The following TRERF1 variants were observed in gnomAD, a reference collection of about 807,000 sequenced individuals.
TRERF1 encodes transcriptional regulating factor 1, also known as transcriptional-regulating factor 1.
TRERF1 carries 27 observed loss-of-function variants against 122.9 expected under a neutral mutation model. The observed-to-expected ratio is 0.22, with a 90% confidence interval of 0.16 to 0.30. The LOEUF (loss-of-function observed/expected upper bound fraction) is 0.30. Among genes scored for constraint, TRERF1 ranks in the 10% least tolerant of loss-of-function variants. The pLI is 1.00. For synonymous variants in TRERF1, 636 were observed against 641.7 expected (o/e 0.99, Z 0.13); for missense variants, 1,248 against 1,560.3 (o/e 0.80, Z 3.37).
intron 4 of TRERF1, among the ~76,000 whole-genome samples, chr6:42,288,574 CAAAAAAAAA>C (rs3074797): frequency 5.8e-5 from 5 of 86,540 alleles, no homozygotes; most frequent in African/African-American, 1.5e-4. Flanking sequence ...ATCTCAAAAC[CAAAAAAAAA>C]AAAAAAAAAA....
At chr6:42,374,150 A>AGAAG (rs1554193490) in intron 2 of TRERF1, among the ~76,000 whole-genome samples, 29 of 144,036 alleles carry the variant, frequency 2.0e-4, no homozygotes, top group South Asian at 8.9e-4. Context: ...AAAAAAAAAA[A>AGAAG]AAGAAGAAGA....
In TRERF1 at chr6:42,257,301, A is replaced by G. The variant is rs199804658; in HGVS notation, c.2337-199T>C. Among the ~76,000 whole-genome samples the G allele has an allele frequency of 4.6e-5, 7 of 152,320 alleles. No individual in the cohort carries two copies. In the East Asian group the frequency reaches 1.4e-3, roughly 29 times the overall value. On this transcript the variant is annotated intron_variant, in intron 10 of 17. Transcript: ENST00000372922. Reference sequence around the variant, plus strand: ...GGAACAGCTTTAAGATTAGGGAGAAATATTTTAGGAGCAAGGGGGCAGTCG... The same window carrying G: ...GGAACAGCTTTAAGATTAGGGAGAAGTATTTTAGGAGCAAGGGGGCAGTCG...
chr6:42,361,616 C>T (rs556946332), intron 3 of TRERF1, among the ~76,000 whole-genome samples: 14 of 152,278 alleles, frequency 9.2e-5, no homozygotes, highest in African/African-American at 2.2e-4. Flanking sequence ...CCCTCACAGC[C>T]GGCACATCTA....
chr6:42,283,542 CTG>C (rs1332525801), intron 4 of TRERF1, among the ~76,000 whole-genome samples: 2 of 148,946 alleles, frequency 1.3e-5, no homozygotes, highest in East Asian at 2.0e-4. Context: ...TTATATTTTT[CTG>C]TGTTTTTGAA....
rs530788123 is a variant in TRERF1, at chr6:42,427,484, C to T, written c.-454+23693G>A. ...CAGGCTGGTTTTGAACTCCTGGGCTCAAGGGATCCTCCTGCCTCCATCTTC... is the reference window on the plus strand; with the variant it reads ...CAGGCTGGTTTTGAACTCCTGGGCTTAAGGGATCCTCCTGCCTCCATCTTC... On this transcript the variant is annotated intron_variant, in intron 2 of 17. Transcript: ENST00000372922. 4.6e-5 allele frequency among the ~76,000 whole-genome samples: 7 copies of T among 151,836 alleles called. No homozygotes were observed. The East Asian group carries it at 5.8e-4, about 13-fold the overall frequency.
intron 3 of TRERF1, among the ~76,000 whole-genome samples, chr6:42,360,622 C>T (rs1040753835): frequency 1.3e-5 from 2 of 151,764 alleles, no homozygotes; most frequent in South Asian, 2.1e-4. Context: ...ATGTCAGCTG[C>T]GGCTCCCAAG....
intron 2 of TRERF1, among the ~76,000 whole-genome samples, chr6:42,384,603 C>T (rs1776483397): frequency 6.6e-6 from 1 of 152,096 alleles, no homozygotes; most frequent in South Asian, 2.1e-4. Context: ...CATGTACACA[C>T]CTCAACTATT....
chr6:42,274,606 G>A (rs1780835557), intron 4 of TRERF1, among the ~76,000 whole-genome samples: 1 of 152,050 alleles, frequency 6.6e-6, no homozygotes, highest in Non-Finnish European at 1.5e-5. Context: ...TTGAACTTGG[G>A]AGGTCAAGGT....
chr6:42,250,992 C>CTTTTTTTTTT (rs70987586), intron 13 of TRERF1, among the ~76,000 whole-genome samples: 23 of 97,592 alleles, frequency 2.4e-4, no homozygotes, highest in Non-Finnish European at 3.3e-4. Flanking sequence ...TCTTTTGCTT[C>CTTTTTTTTTT]TTTTTTTTTT....
chr6:42,411,120 C>A (rs1184062079), intron 2 of TRERF1, among the ~76,000 whole-genome samples: 1 of 152,180 alleles, frequency 6.6e-6, no homozygotes, highest in Non-Finnish European at 1.5e-5. Context: ...GCAACTCAGG[C>A]ATCAGGACAT....
At chr6:42,368,027 C>T (rs1477841062) in intron 2 of TRERF1, among the ~76,000 whole-genome samples, 2 of 152,036 alleles carry the variant, frequency 1.3e-5, no homozygotes, top group Admixed American at 6.6e-5. Context: ...GTATGGGGCT[C>T]GATAACTTCA....
chr6:42,397,308 T>C (rs903850305), intron 2 of TRERF1, among the ~76,000 whole-genome samples: 3 of 152,188 alleles, frequency 2.0e-5, no homozygotes, highest in Non-Finnish European at 4.4e-5. Context: ...CCCCAGAAAG[T>C]ATTCTCTATA....
At chr6:42,390,073 A>G (rs1252715745) in intron 2 of TRERF1, among the ~76,000 whole-genome samples, 1 of 152,210 alleles carries the variant, frequency 6.6e-6, no homozygotes. Context: ...TCCTTCTTCA[A>G]GTCATCAGGT....
chr6:42,368,911 G>A (rs917570106), intron 2 of TRERF1, among the ~76,000 whole-genome samples: 7 of 152,080 alleles, frequency 4.6e-5, no homozygotes, highest in African/African-American at 7.2e-5. Context: ...GAAATTATAT[G>A]ATACAATACA....
chr6:42,438,835 A>C (rs1785951577), intron 2 of TRERF1, among the ~76,000 whole-genome samples: 1 of 152,134 alleles, frequency 6.6e-6, no homozygotes, highest in African/African-American at 2.4e-5. Flanking sequence ...GCTTCTGTGC[A>C]GATTAGATCA....
intron 4 of TRERF1, among the ~76,000 whole-genome samples, chr6:42,299,239 T>TATCA (rs1554152431): frequency 3.1e-4 from 47 of 151,078 alleles, no homozygotes; most frequent in African/African-American, 1.0e-3. Context: ...TCTATCTATC[T>TATCA]ATCATCTATC....
At chr6:42,446,755 C>T (rs1787595438) in intron 2 of TRERF1, among the ~76,000 whole-genome samples, 1 of 152,174 alleles carries the variant, frequency 6.6e-6, no homozygotes, top group Non-Finnish European at 1.5e-5. Flanking sequence ...GTCATCCCAG[C>T]ACTTTGGGAG....
chr6:42,370,662 T>C (rs548211995), intron 2 of TRERF1, among the ~76,000 whole-genome samples: 2 of 152,248 alleles, frequency 1.3e-5, no homozygotes, highest in East Asian at 1.9e-4. Flanking sequence ...AAATGAAGGG[T>C]CTTCCCCAGC....
At chr6:42,386,689 T>C (rs567286314) in intron 2 of TRERF1, among the ~76,000 whole-genome samples, 32 of 152,286 alleles carry the variant, frequency 2.1e-4, no homozygotes, top group African/African-American at 7.0e-4. Context: ...TTATCACAGA[T>C]GGATCAAGAA....
Sources: gnomAD v4.1 joint callset for allele counts (sites outside exome capture counted in the v4.1 genomes callset) on GRCh38, gnomAD v4.1.1 for gene constraint, MANE v1.5 for transcripts, NCBI Gene and HGNC (gene_info 2026-07-23, HGNC 2026-07-21) for gene names.